The following MAD1L1 variants were observed in gnomAD, a reference collection of about 807,000 sequenced individuals.
MAD1L1 encodes mitotic spindle assembly checkpoint protein MAD1.
In MAD1L1, 95 loss-of-function variants were observed where a neutral mutation model predicts 96.9. The ratio of observed to expected loss-of-function variants is 0.98; its 90% CI spans 0.83 to 1.16. The LOEUF (loss-of-function observed/expected upper bound fraction) is 1.16, where lower values mean the gene tolerates loss of function less well. Ranked by LOEUF, MAD1L1 falls within the 50% of genes most tolerant of loss-of-function variation. The pLI, the probability that MAD1L1 is intolerant of heterozygous loss-of-function variation, is 0.00. For synonymous variants in MAD1L1, 473 were observed against 396.6 expected (o/e 1.19, Z -2.29); for missense variants, 1,007 against 954.4 (o/e 1.06, Z -0.73).
chr7:1,832,780 T>TG (rs1782772533), intron 18 of MAD1L1, among the ~76,000 whole-genome samples: 1 of 147,394 alleles, frequency 6.8e-6, no homozygotes, highest in Non-Finnish European at 1.5e-5. Flanking sequence ...TACAGGTACG[T>TG]GCCACCATGC....
chr7:2,020,574 G>C (rs1424641473), intron 12 of MAD1L1, among the ~76,000 whole-genome samples: 1 of 152,178 alleles, frequency 6.6e-6, no homozygotes, highest in Non-Finnish European at 1.5e-5. Context: ...CAGCTCCCTG[G>C]GTCCTCTCTC....
intron 18 of MAD1L1, among the ~76,000 whole-genome samples, chr7:1,859,348 C>G (rs1255895673): frequency 1.3e-5 from 2 of 152,234 alleles, no homozygotes; most frequent in Non-Finnish European, 2.9e-5. Flanking sequence ...ATCGGCCCTT[C>G]CAGCTTGCAT....
chr7:1,840,456 G>A (rs1490971743), intron 18 of MAD1L1, among the ~76,000 whole-genome samples: 2 of 152,038 alleles, frequency 1.3e-5, no homozygotes, highest in African/African-American at 2.4e-5. Context: ...CAAGCCAGGC[G>A]TGGTGGCTCA....
intron 11 of MAD1L1, among the ~76,000 whole-genome samples, chr7:2,143,244 G>A (rs575916651): frequency 1.3e-5 from 2 of 151,644 alleles, no homozygotes; most frequent in South Asian, 2.1e-4. Flanking sequence ...TGCAAACACA[G>A]GCCCCAGGAA....
intron 11 of MAD1L1, among the ~76,000 whole-genome samples, chr7:2,086,192 T>C (rs1350069383): frequency 1.3e-5 from 2 of 152,198 alleles, no homozygotes; most frequent in African/African-American, 4.8e-5. Context: ...ACAGGCCCAG[T>C]GAGGACAAGA....
chr7:1,970,924 G>A (rs1041782463), intron 15 of MAD1L1, among the ~76,000 whole-genome samples: 33 of 152,086 alleles, frequency 2.2e-4, no homozygotes, highest in Non-Finnish European at 3.8e-4. Context: ...CTTGGTACTC[G>A]CCGACCATGA....
At chr7:2,106,627 C>A (rs1787115266) in intron 11 of MAD1L1, among the ~76,000 whole-genome samples, 1 of 152,232 alleles carries the variant, frequency 6.6e-6, no homozygotes, top group Non-Finnish European at 1.5e-5. Flanking sequence ...GCCCACCAGA[C>A]CCAGGCTAGC....
At position 1,984,279 on chromosome 7, in the gene MAD1L1, T is replaced by C. The variant is rs570840170; in HGVS notation, c.1417-3738A>G. ...TTCTTGATTTCACATCACACTGCAATCACAAGAAGTTGTATTAGTTCTACT... is the reference window on the plus strand; with the variant it reads ...TTCTTGATTTCACATCACACTGCAACCACAAGAAGTTGTATTAGTTCTACT... On this transcript the variant is annotated intron_variant, in intron 14 of 18. Transcript: ENST00000265854. 1.9e-3 allele frequency among the ~76,000 whole-genome samples: 296 copies of C among 152,336 alleles called. 1 individual carries two copies. The highest frequency in any genetic ancestry group is 6.3e-3 in the African/African-American group (262 of 41,568).
chr7:1,856,871 G>A (rs1167897755), intron 18 of MAD1L1, among the ~76,000 whole-genome samples: 1 of 152,158 alleles, frequency 6.6e-6, no homozygotes, highest in South Asian at 2.1e-4. Context: ...GGGAGGGAGA[G>A]GGAGCCTGGA....
At position 1,936,744 on chromosome 7, in the gene MAD1L1, C is replaced by G; in HGVS notation, c.1750G>C (p.Val584Leu). 1.9e-6 allele frequency: 3 copies of G among 1,566,140 alleles called. No homozygotes were observed. Among genetic ancestry groups the G allele is most frequent in the Non-Finnish European group, 2.6e-6 (3 of 1,156,778 alleles). The change falls in exon 17 of 19, where the codon GTC (valine) becomes CTC (leucine). Residue 584 changes from valine (V) to leucine (L), a missense_variant. By Grantham distance (32) the Val-to-Leu change is conservative. Transcript: ENST00000265854. Reference protein sequence around the residue: ...LLRAMERGGTVPADLEAAAAS... With the variant: ...LLRAMERGGTLPADLEAAAAS... ...GCGGCAGCCTCAAGGTCGGCTGGGACGGTGCCTCCTCTCTCCATGGCGCGC... is the reference window on the plus strand; with the variant it reads ...GCGGCAGCCTCAAGGTCGGCTGGGAGGGTGCCTCCTCTCTCCATGGCGCGC...
rs1013656471 is a variant in MAD1L1, at chr7:1,968,777, C to T, written c.1506-11058G>A. On this transcript the variant is annotated intron_variant, in intron 15 of 18. Transcript: ENST00000265854. The surrounding 1 kb of genome is among the most constrained non-coding windows in gnomAD (Gnocchi z 5.6). ...ACATCACACAAGCTCGCTTCGGGGG[C>T]GTTCTAGGGACTCCTAAACATACTG... Among the ~76,000 whole-genome samples the T allele has an allele frequency of 4.2e-4, 64 of 152,234 alleles. No homozygotes were observed. Among genetic ancestry groups the T allele is most frequent in the African/African-American group, 1.5e-3 (62 of 41,452 alleles).
At chr7:2,101,303 T>C (rs4380817) in intron 11 of MAD1L1, among the ~76,000 whole-genome samples, 7,294 of 29,760 alleles carry the variant, frequency 0.25, 1,500 homozygotes, top group Middle Eastern at 0.44. Context: ...GGGTCTCCAT[T>C]CAGGTGGGTG....
chr7:2,164,167 C>T (rs1304693509), intron 10 of MAD1L1, among the ~76,000 whole-genome samples: 1 of 152,214 alleles, frequency 6.6e-6, no homozygotes, highest in Non-Finnish European at 1.5e-5. Context: ...ACAGAGACTA[C>T]AAGATCAGAA....
chr7:1,866,187 G>C (rs1784772830), intron 18 of MAD1L1, among the ~76,000 whole-genome samples: 1 of 151,928 alleles, frequency 6.6e-6, no homozygotes, highest in South Asian at 2.1e-4. Context: ...CCAGGTGCCT[G>C]GGTTGGGAGT....
chr7:2,095,416 C>T (rs989676021), intron 11 of MAD1L1, among the ~76,000 whole-genome samples: 2 of 152,256 alleles, frequency 1.3e-5, no homozygotes, highest in Admixed American at 6.5e-5. Flanking sequence ...GCCAAGCACA[C>T]ATCCCTTTAT....
chr7:2,070,228 T>C lies in MAD1L1; in HGVS notation c.1074-890A>G, dbSNP rs190146892. Among the ~76,000 whole-genome samples, 23 of 152,330 alleles carry C rather than the reference T, an allele frequency of 1.5e-4. 1 individual carries two copies. The highest frequency in any genetic ancestry group is 4.8e-4 in the African/African-American group (20 of 41,586). On this transcript the variant is annotated intron_variant, in intron 11 of 18. Transcript: ENST00000265854. ...GACAAATGACAGCGTCCACTGACCCTGACTGCAGAACCCACCCATGATGCA... is the reference window on the plus strand; with the variant it reads ...GACAAATGACAGCGTCCACTGACCCCGACTGCAGAACCCACCCATGATGCA...
At chr7:1,899,119 C>G (rs568717786) in intron 17 of MAD1L1, among the ~76,000 whole-genome samples, 2 of 152,366 alleles carry the variant, frequency 1.3e-5, no homozygotes. Flanking sequence ...AGTGACTATT[C>G]AGGGTACAGC....
At chr7:1,874,336 G>A (rs753614634) in intron 18 of MAD1L1, among the ~76,000 whole-genome samples, 9 of 152,150 alleles carry the variant, frequency 5.9e-5, no homozygotes, top group African/African-American at 1.9e-4. Flanking sequence ...GGGGGTGACC[G>A]TGGCTTGGGA....
chr7:2,207,212 G>T (rs568803151), intron 10 of MAD1L1, among the ~76,000 whole-genome samples: 27 of 152,032 alleles, frequency 1.8e-4, no homozygotes, highest in Admixed American at 5.9e-4. Context: ...TCCAATACAC[G>T]ACCACAGTAC....
Sources: allele counts gnomAD v4.1 joint callset (sites outside exome capture counted in the v4.1 genomes callset), GRCh38; gene constraint gnomAD v4.1.1; non-coding constraint Gnocchi (gnomAD v3.1); transcripts MANE v1.5; gene names NCBI Gene and HGNC (gene_info 2026-07-23, HGNC 2026-07-21).